Variants in EPHA6 observed in about 807,000 individuals in gnomAD.
The protein encoded by EPHA6 is EPH receptor A6, also known as ephrin type-A receptor 6.
Under a neutral mutation model 112.0 loss-of-function variants are expected in EPHA6, and 50 were observed. The ratio of observed to expected loss-of-function variants is 0.45; its 90% CI spans 0.36 to 0.56. EPHA6 has a LOEUF of 0.56. Ranked by LOEUF, EPHA6 falls within the 20% of genes least tolerant of loss-of-function variation. EPHA6 has a pLI of 0.00. For missense variants in EPHA6, 1,280 were observed against 1,417.4 expected (o/e 0.90, Z 1.56); for synonymous variants, 529 against 490.7 (o/e 1.08, Z -1.03).
intron 2 of EPHA6, among the ~76,000 whole-genome samples, chr3:96,916,990 C>T (rs184196013): frequency 5.9e-5 from 9 of 152,254 alleles, no homozygotes; most frequent in Non-Finnish European, 1.0e-4. Context: ...TTTCAGTGGG[C>T]TGTAGTTTTC....
At chr3:97,632,087 C>T (rs549907894) in intron 13 of EPHA6, among the ~76,000 whole-genome samples, 33 of 152,054 alleles carry the variant, frequency 2.2e-4, no homozygotes, top group African/African-American at 4.8e-4. Flanking sequence ...AAAGTGGAGA[C>T]GGCTGCAAGT....
intron 14 of EPHA6, among the ~76,000 whole-genome samples, chr3:97,655,977 T>C (rs530032697): frequency 7.3e-5 from 11 of 151,226 alleles, no homozygotes; most frequent in Admixed American, 2.6e-4. Context: ...CTCAAAATGT[T>C]TTTTTTTTAT....
At chr3:97,417,078 A>T (rs1399025331) in intron 6 of EPHA6, among the ~76,000 whole-genome samples, 3 of 152,236 alleles carry the variant, frequency 2.0e-5, no homozygotes, top group African/African-American at 7.2e-5. Context: ...TTCAAAAGTT[A>T]AAATATTCCA....
chr3:97,651,644 T>C (rs1463429003), intron 14 of EPHA6, among the ~76,000 whole-genome samples: 1 of 152,038 alleles, frequency 6.6e-6, no homozygotes, highest in African/African-American at 2.4e-5. Flanking sequence ...TGTTCGTGTG[T>C]TAGCAACATT....
chr3:97,439,356 C>T (rs745957271), intron 6 of EPHA6, among the ~76,000 whole-genome samples: 12 of 152,110 alleles, frequency 7.9e-5, no homozygotes, highest in Non-Finnish European at 1.5e-4. Context: ...CTACATTTTT[C>T]TTACTTATAC....
intron 3 of EPHA6, among the ~76,000 whole-genome samples, chr3:97,152,714 T>C (rs185891134): frequency 1.3e-5 from 2 of 152,214 alleles, no homozygotes; most frequent in East Asian, 3.9e-4. Flanking sequence ...AGAATGGTCT[T>C]AATGATTACT....
chr3:97,538,741 G>A (rs561636404), intron 11 of EPHA6, among the ~76,000 whole-genome samples: 2 of 152,284 alleles, frequency 1.3e-5, no homozygotes, highest in South Asian at 4.1e-4. Context: ...GGATTGAGAA[G>A]CGTCCATTGG....
In EPHA6 at chr3:97,428,357, G is replaced by C. The variant is rs1278853457; in HGVS notation, c.1732-20211G>C. On this transcript the variant is annotated intron_variant, in intron 6 of 17. Coordinates refer to ENST00000389672, the MANE Select transcript of EPHA6 (RefSeq NM_001080448.3). ...ATAGGGAAGGAACACAGAAATACAAGTTAAGGAAACTATTAAATTACTATA... is the reference window on the plus strand; with the variant it reads ...ATAGGGAAGGAACACAGAAATACAACTTAAGGAAACTATTAAATTACTATA... Among the ~76,000 whole-genome samples the C allele has an allele frequency of 2.0e-5, 3 of 152,066 alleles. No individual in the cohort carries two copies. The East Asian group carries it at 5.8e-4, about 29-fold the overall frequency.
At chr3:97,077,091 G>A (rs1419965588) in intron 3 of EPHA6, among the ~76,000 whole-genome samples, 1 of 152,072 alleles carries the variant, frequency 6.6e-6, no homozygotes, top group African/African-American at 2.4e-5. Flanking sequence ...TATCATTTAA[G>A]AATACATTTT....
At chr3:97,001,254 T>C (rs1162756511) in intron 3 of EPHA6, among the ~76,000 whole-genome samples, 7 of 151,846 alleles carry the variant, frequency 4.6e-5, no homozygotes. Context: ...TAACAGTTCA[T>C]GCATTATTTG....
intron 5 of EPHA6, among the ~76,000 whole-genome samples, chr3:97,329,988 T>C (rs2082700276): frequency 6.6e-6 from 1 of 152,184 alleles, no homozygotes; most frequent in Non-Finnish European, 1.5e-5. Context: ...CTGAATTAAT[T>C]TTTGTATAAG....
At chr3:96,862,411 CT>C (rs889357913) in intron 1 of EPHA6, among the ~76,000 whole-genome samples, 1 of 151,592 alleles carries the variant, frequency 6.6e-6, no homozygotes, top group Non-Finnish European at 1.5e-5. Context: ...AAACCCCTTA[CT>C]TTTTTTTCAT....
chr3:97,331,583 A>G (rs933505752), intron 5 of EPHA6, among the ~76,000 whole-genome samples: 8 of 152,190 alleles, frequency 5.3e-5, no homozygotes, highest in African/African-American at 1.7e-4. Flanking sequence ...ATCCCACAGA[A>G]ATACAAACTA....
intron 3 of EPHA6, among the ~76,000 whole-genome samples, chr3:97,063,182 C>T (rs988243191): frequency 6.6e-6 from 1 of 152,074 alleles, no homozygotes; most frequent in Non-Finnish European, 1.5e-5. Flanking sequence ...TCATTTGACT[C>T]AGCAATCCCA....
intron 2 of EPHA6, among the ~76,000 whole-genome samples, chr3:96,966,234 C>T (rs1340889278): frequency 6.6e-6 from 1 of 151,992 alleles, no homozygotes; most frequent in African/African-American, 2.4e-5. Context: ...TTATTTACAG[C>T]ATTAAAGTAT....
In EPHA6 at chr3:97,216,774, T is replaced by G. The variant is rs78661197; in HGVS notation, c.1115-9490T>G. Among the ~76,000 whole-genome samples the G allele has an allele frequency of 3.2e-3, 480 of 152,314 alleles. 3 individuals carry two copies. The highest frequency in any genetic ancestry group is 0.011 in the African/African-American group (437 of 41,576). ...TGTTTATTTCATCTAAGTATTCTGGTACAGGTGGTAGTATTACACTGCACT... is the reference window on the plus strand; with the variant it reads ...TGTTTATTTCATCTAAGTATTCTGGGACAGGTGGTAGTATTACACTGCACT... On this transcript the variant is annotated intron_variant, in intron 3 of 17. Coordinates refer to ENST00000389672, the MANE Select transcript of EPHA6 (RefSeq NM_001080448.3).
At chr3:97,431,555 C>G (rs1265217192) in intron 6 of EPHA6, among the ~76,000 whole-genome samples, 1 of 152,040 alleles carries the variant, frequency 6.6e-6, no homozygotes, top group Non-Finnish European at 1.5e-5. Flanking sequence ...TCCCTTGATT[C>G]GTGTGATTTT....
intron 3 of EPHA6, among the ~76,000 whole-genome samples, chr3:96,993,607 T>G (rs1353395229): frequency 6.6e-6 from 1 of 152,160 alleles, no homozygotes; most frequent in South Asian, 2.1e-4. Context: ...CTTCAATGTT[T>G]GCTGCCTGCC....
At chr3:97,426,565 CTT>C (rs2089143604) in intron 6 of EPHA6, among the ~76,000 whole-genome samples, 1 of 152,146 alleles carries the variant, frequency 6.6e-6, no homozygotes, top group Non-Finnish European at 1.5e-5. Flanking sequence ...GAATTAAAGA[CTT>C]AAATATAAAA....
Sources: allele counts gnomAD v4.1 joint callset (sites outside exome capture counted in the v4.1 genomes callset), GRCh38; gene constraint gnomAD v4.1.1; transcripts MANE v1.5; gene names NCBI Gene and HGNC (gene_info 2026-07-23, HGNC 2026-07-21).